The following KAZN variants were observed in gnomAD, a reference collection of about 807,000 sequenced individuals.
The protein encoded by KAZN is kazrin, periplakin interacting protein.
A neutral mutation model predicts 87.4 loss-of-function variants in KAZN; 40 were observed. That is an observed-to-expected ratio of 0.46 (90% CI 0.36 to 0.60). The LOEUF is 0.60. KAZN is among the 20% of genes least tolerant of loss of function. KAZN has a pLI of 0.00. For synonymous variants in KAZN, 466 were observed against 458.3 expected (o/e 1.02, Z -0.22); for missense variants, 898 against 1,073.9 (o/e 0.84, Z 2.29).
chr1:14,213,738 T>C (rs566199525), intron 2 of KAZN, among the ~76,000 whole-genome samples: 2 of 152,190 alleles, frequency 1.3e-5, no homozygotes, highest in South Asian at 2.1e-4. Context: ...TCTGACTATG[T>C]TGGGGGGAGA....
At chr1:14,172,682 C>T (rs1280472913) in intron 1 of KAZN, among the ~76,000 whole-genome samples, 7 of 152,264 alleles carry the variant, frequency 4.6e-5, no homozygotes, top group Admixed American at 3.9e-4. Context: ...CTAGGCTCCA[C>T]AGTGGCTGTG....
Position 13,998,203 on chromosome 1 carries a change from T to C in KAZN, c.91+104447T>C, listed in dbSNP as rs137978169. 4.3e-3 allele frequency among the ~76,000 whole-genome samples: 648 copies of C among 152,252 alleles called. 4 individuals carry two copies. The highest frequency in any genetic ancestry group is 0.015 in the African/African-American group (628 of 41,574). On this transcript the variant is annotated intron_variant, in intron 1 of 16. Transcript: ENST00000636203. Reference sequence around the variant, plus strand: ...GATTTCGTTACCACCAGGCCTGCCATTGCAAGAGCTCCTGAAGGAAGCTCT... The same window carrying C: ...GATTTCGTTACCACCAGGCCTGCCACTGCAAGAGCTCCTGAAGGAAGCTCT...
chr1:14,469,378 C>G (rs1668327244), intron 2 of KAZN, among the ~76,000 whole-genome samples: 1 of 152,196 alleles, frequency 6.6e-6, no homozygotes, highest in Non-Finnish European at 1.5e-5. Flanking sequence ...CCACACACAG[C>G]TAGTGAAAAC....
At position 14,089,709 on chromosome 1, in the gene KAZN, A is replaced by G. The variant is rs148558928; in HGVS notation, c.92-90726A>G. On this transcript the variant is annotated intron_variant, in intron 1 of 16. Transcript: ENST00000636203. ...TACAAAAGTGAGAAAACTGCCTTTC[A>G]TATTTGCTATTTCTGGTGCTCTTTT... is the stretch of plus-strand genomic sequence containing the variant. Among the ~76,000 whole-genome samples the G allele has an allele frequency of 6.5e-3, 994 of 152,244 alleles. 10 individuals carry two copies. The South Asian group carries it at 0.066, about 10-fold the overall frequency.
Position 14,618,291 on chromosome 1 carries a change from C to T in KAZN, c.226+19068C>T, listed in dbSNP as rs560158888. Among the ~76,000 whole-genome samples, 14 of 152,322 alleles carry T rather than the reference C, an allele frequency of 9.2e-5. No homozygotes were observed. The South Asian group carries it at 1.4e-3, about 16-fold the overall frequency. On this transcript the variant is annotated intron_variant, in intron 1 of 14. Transcript: ENST00000376030. ...CAAAGTTCTAGACCGTCTTCTGCCT[C>T]GAGCTGGTGACATGACTTTGGACTA...
chr1:14,003,313 C>T (rs1252536606), intron 1 of KAZN, among the ~76,000 whole-genome samples: 1 of 149,864 alleles, frequency 6.7e-6, no homozygotes, highest in Non-Finnish European at 1.5e-5. Context: ...CATATGTATC[C>T]TGGAACTTAA....
At chr1:14,736,407 T>C (rs1279610763) in intron 1 of KAZN, among the ~76,000 whole-genome samples, 1 of 150,968 alleles carries the variant, frequency 6.6e-6, no homozygotes, top group Non-Finnish European at 1.5e-5. Context: ...CAAGCTATTC[T>C]CCTGCCTCAG....
chr1:14,992,929 C>T (rs907024263), intron 2 of KAZN, among the ~76,000 whole-genome samples: 5 of 151,958 alleles, frequency 3.3e-5, no homozygotes, highest in African/African-American at 1.2e-4. Flanking sequence ...CAGGAATGAG[C>T]CACTGCACCC....
At chr1:14,115,876 C>G (rs12065648) in intron 1 of KAZN, among the ~76,000 whole-genome samples, 13,263 of 152,146 alleles carry the variant, frequency 0.087, 1,126 homozygotes, top group African/African-American at 0.22. Flanking sequence ...TAAGGACCTT[C>G]TTGGGAACTA....
chr1:14,341,162 G>A (rs1438758085), intron 2 of KAZN, among the ~76,000 whole-genome samples: 1 of 218 alleles, frequency 4.6e-3, no homozygotes, highest in African/African-American at 0.021. Flanking sequence ...CAAAGTGTTG[G>A]GATTAACAGG....
chr1:14,318,755 G>T (rs1212125391), intron 2 of KAZN, among the ~76,000 whole-genome samples: 1 of 151,860 alleles, frequency 6.6e-6, no homozygotes, highest in Non-Finnish European at 1.5e-5. Context: ...AGTTTCTGTG[G>T]GCATGTCTTC....
intron 1 of KAZN, among the ~76,000 whole-genome samples, chr1:14,744,907 C>T (rs1219891457): frequency 1.3e-5 from 2 of 152,128 alleles, no homozygotes; most frequent in Admixed American, 6.5e-5. Context: ...AAGTCACTAC[C>T]TGTCCCCAAG....
Position 14,277,934 on chromosome 1 carries a change from C to T in KAZN, c.249+97342C>T, listed in dbSNP as rs115075065. 3.9e-3 allele frequency among the ~76,000 whole-genome samples: 593 copies of T among 152,110 alleles called. 1 individual carries two copies. Among genetic ancestry groups the T allele is most frequent in the Admixed American group, 9.2e-3 (141 of 15,284 alleles). On this transcript the variant is annotated intron_variant, in intron 2 of 16. Coordinates refer to the KAZN transcript ENST00000636203. Reference sequence around the variant, plus strand: ...TCTTTCACAGGAAAACAGAAACTCACAGGAAAAGATGTTCCCTTCCCTCTC... The same window carrying T: ...TCTTTCACAGGAAAACAGAAACTCATAGGAAAAGATGTTCCCTTCCCTCTC...
chr1:14,659,245 A>C (rs1639001918), intron 1 of KAZN, among the ~76,000 whole-genome samples: 1 of 151,814 alleles, frequency 6.6e-6, no homozygotes, highest in Non-Finnish European at 1.5e-5. Flanking sequence ...AAATAAAATA[A>C]AAATAATAAA....
chr1:14,935,916 A>G (rs866300523), intron 1 of KAZN, among the ~76,000 whole-genome samples: 2 of 152,176 alleles, frequency 1.3e-5, no homozygotes, highest in Non-Finnish European at 1.5e-5. Context: ...CTCTCCCAAC[A>G]TCCCAGGTGG....
chr1:14,517,363 A>G (rs1296604838), intron 2 of KAZN, among the ~76,000 whole-genome samples: 3 of 152,138 alleles, frequency 2.0e-5, no homozygotes, highest in Non-Finnish European at 4.4e-5. Context: ...CAGAAAAATC[A>G]TGAGAGAGAG....
intron 1 of KAZN, among the ~76,000 whole-genome samples, chr1:14,058,747 G>A (rs1449685066): frequency 6.6e-6 from 1 of 152,174 alleles, no homozygotes. Context: ...AGAAAGGGGA[G>A]GAGGGACCTA....
chr1:14,565,151 T>C (rs1674482886), intron 2 of KAZN, among the ~76,000 whole-genome samples: 1 of 152,196 alleles, frequency 6.6e-6, no homozygotes, highest in Admixed American at 6.5e-5. Context: ...TCCCTAATTG[T>C]AGCATCCTTT....
At chr1:14,598,680 G>GTGTC, upstream of KAZN, 1 of 1,279,808 alleles carries the variant, frequency 7.8e-7, no homozygotes. This position sits in a 1 kb window ranked among gnomAD's most constrained non-coding sequence, Gnocchi z 4.2. Flanking sequence ...GTGGCGCGCG[G>GTGTC]TGTCCTTCTT....
Sources: gnomAD v4.1 joint callset for allele counts (sites outside exome capture counted in the v4.1 genomes callset) on GRCh38, gnomAD v4.1.1 for gene constraint, Gnocchi (gnomAD v3.1) non-coding constraint, MANE v1.5 for transcripts, NCBI Gene and HGNC (gene_info 2026-07-23, HGNC 2026-07-21) for gene names.